The following CPHXL2 variants were observed in gnomAD, a reference collection of about 807,000 sequenced individuals.
CPHXL2 encodes cytoplasmic polyadenylated homeobox-like protein 2.
the CPHXL2 span, among the ~76,000 whole-genome samples, chr16:75,661,621 C>G: frequency 6.6e-6 from 1 of 151,954 alleles, no homozygotes; most frequent in Non-Finnish European, 1.5e-5. Flanking sequence ...GCTGTCCCAC[C>G]TAGACGTGGA....
chr16:75,668,149 G>C, the CPHXL2 span, among the ~76,000 whole-genome samples: 18,195 of 151,502 alleles, frequency 0.12, 1,842 homozygotes, highest in African/African-American at 0.27. Flanking sequence ...AACATACATA[G>C]ATAATAATAC....
chr16:75,674,703 T>A, the CPHXL2 span, among the ~76,000 whole-genome samples: 1 of 152,002 alleles, frequency 6.6e-6, no homozygotes, highest in Non-Finnish European at 1.5e-5. Flanking sequence ...TATATATATA[T>A]GCAATACCAT....
the CPHXL2 span, among the ~76,000 whole-genome samples, chr16:75,675,137 C>T: frequency 1.1e-4 from 16 of 148,720 alleles, no homozygotes; most frequent in South Asian, 2.8e-3. Flanking sequence ...TGCAGTGAGC[C>T]GAGATCGTGC....
chr16:75,676,173 A>C, the CPHXL2 span, among the ~76,000 whole-genome samples: 2 of 152,160 alleles, frequency 1.3e-5, no homozygotes, highest in Non-Finnish European at 2.9e-5. Flanking sequence ...CAATAAACCT[A>C]AGCCTAACCC....
the CPHXL2 span, among the ~76,000 whole-genome samples, chr16:75,661,463 A>G: frequency 6.6e-6 from 1 of 152,084 alleles, no homozygotes; most frequent in South Asian, 2.1e-4. Flanking sequence ...TTCTAGAACC[A>G]TAACCTCCTT....
the CPHXL2 span, among the ~76,000 whole-genome samples, chr16:75,666,283 C>T: frequency 6.6e-6 from 1 of 151,856 alleles, no homozygotes; most frequent in Non-Finnish European, 1.5e-5. Context: ...ATTTATAAAA[C>T]AATTACTACC....
the CPHXL2 span, among the ~76,000 whole-genome samples, chr16:75,676,054 G>C: frequency 1.5e-4 from 23 of 151,980 alleles, no homozygotes; most frequent in Non-Finnish European, 2.2e-4. Context: ...ACTCCAGCCT[G>C]GGTGACAAGA....
chr16:75,674,367 C>T, the CPHXL2 span, among the ~76,000 whole-genome samples: 26 of 100,510 alleles, frequency 2.6e-4, no homozygotes, highest in Admixed American at 5.3e-4. Context: ...AGCGAGACTC[C>T]GTCTCAAAAA....
At chr16:75,668,207 C>A in the CPHXL2 span, among the ~76,000 whole-genome samples, 2 of 130,864 alleles carry the variant, frequency 1.5e-5, no homozygotes, top group African/African-American at 7.4e-5. Flanking sequence ...TTCTCTCTCT[C>A]TCTCTCTATA....
At chr16:75,667,640 A>G in the CPHXL2 span, among the ~76,000 whole-genome samples, 1 of 152,274 alleles carries the variant, frequency 6.6e-6, no homozygotes, top group Admixed American at 6.5e-5. Flanking sequence ...AGCCCTTACC[A>G]CTCTGCTAGG....
chr16:75,665,147 T>A, the CPHXL2 span, among the ~76,000 whole-genome samples: 1 of 152,246 alleles, frequency 6.6e-6, no homozygotes, highest in African/African-American at 2.4e-5. Flanking sequence ...TCTGGGAAAT[T>A]CATCCCAAAA....
At chr16:75,671,231 G>A in the CPHXL2 span, among the ~76,000 whole-genome samples, 2 of 152,108 alleles carry the variant, frequency 1.3e-5, no homozygotes, top group Non-Finnish European at 2.9e-5. Flanking sequence ...GTGGTGGTGT[G>A]CACCTACAAT....
the CPHXL2 span, among the ~76,000 whole-genome samples, chr16:75,671,110 C>T: frequency 3.9e-5 from 6 of 152,158 alleles, no homozygotes; most frequent in South Asian, 2.1e-4. Context: ...AGGCTGTGTG[C>T]GCCGGCTCAC....
At chr16:75,673,211 G>C in the CPHXL2 span, among the ~76,000 whole-genome samples, 1 of 152,196 alleles carries the variant, frequency 6.6e-6, no homozygotes, top group Admixed American at 6.5e-5. Flanking sequence ...CAGGCGGGCA[G>C]ATCACTTGAG....
At chr16:75,660,605 A>G in the CPHXL2 span, 3 of 398,482 alleles carry the variant, frequency 7.5e-6, no homozygotes, top group Non-Finnish European at 1.3e-5. Context: ...GATACTGCCA[A>G]TCATTCTGCT....
chr16:75,664,384 T>G, the CPHXL2 span, among the ~76,000 whole-genome samples: 22 of 152,018 alleles, frequency 1.4e-4, no homozygotes, highest in Non-Finnish European at 3.2e-4. Context: ...CCAGCACTTT[T>G]GGAGGCCGAG....
chr16:75,670,104 C>T, the CPHXL2 span, among the ~76,000 whole-genome samples: 128 of 152,130 alleles, frequency 8.4e-4, no homozygotes, highest in African/African-American at 3.0e-3. Flanking sequence ...TTAGTAGAGA[C>T]GGGATTTCAC....
chr16:75,671,448 T>C, the CPHXL2 span, among the ~76,000 whole-genome samples: 8 of 152,140 alleles, frequency 5.3e-5, no homozygotes, highest in African/African-American at 1.9e-4. Context: ...CCTTTCTCTG[T>C]AACACTATCG....
chr16:75,673,677 G>C, the CPHXL2 span, among the ~76,000 whole-genome samples: 1 of 152,122 alleles, frequency 6.6e-6, no homozygotes, highest in African/African-American at 2.4e-5. Flanking sequence ...GGGGCAGAAA[G>C]GCACAAAGCA....
Sources: allele counts gnomAD v4.1 joint callset (sites outside exome capture counted in the v4.1 genomes callset), GRCh38; gene constraint gnomAD v4.1.1; transcripts MANE v1.5; gene names NCBI Gene and HGNC (gene_info 2026-07-23, HGNC 2026-07-21).